The following KIRREL2 variants were observed in gnomAD, a reference collection of about 807,000 sequenced individuals.
The protein encoded by KIRREL2 is kirre like nephrin family adhesion molecule 2.
KIRREL2 carries 56 observed loss-of-function variants against 73.4 expected under a neutral mutation model. The observed-to-expected ratio is 0.76, with a 90% CI of 0.62 to 0.95. The LOEUF is 0.95. KIRREL2 is among the 40% of genes least tolerant of loss of function. KIRREL2 has a pLI of 0.00. For missense variants in KIRREL2, 896 were observed against 935.0 expected (o/e 0.96, Z 0.54); for synonymous variants, 407 against 404.0 (o/e 1.01, Z -0.09).
At position 35,861,185 on chromosome 19, in the gene KIRREL2, G is replaced by A. The variant is rs768667829; in HGVS notation, c.1120G>A (p.Val374Met). The A allele has an allele frequency of 1.3e-6, 2 of 1,580,940 alleles. No individual in the cohort carries two copies. Among genetic ancestry groups the A allele is most frequent in the East Asian group, 2.2e-5 (1 of 44,570 alleles). The change falls in exon 9 of 15, where the codon GTG (valine) becomes ATG (methionine). Residue 374 changes from valine (V) to methionine (M), a missense_variant. Val to Met is a conservative substitution (Grantham distance 21, BLOSUM62 1). Coordinates refer to ENST00000360202, the MANE Select transcript of KIRREL2 (RefSeq NM_199180.4). Reference protein sequence around the residue: ...SVGPEDAGDYVCRAEAGLSGL... With the variant: ...SVGPEDAGDYMCRAEAGLSGL... Reference sequence around the variant, plus strand: ...GGGGCCCGAGGACGCAGGCGACTATGTGTGCAGAGCTGAGGCTGGGCTATC... The same window carrying A: ...GGGGCCCGAGGACGCAGGCGACTATATGTGCAGAGCTGAGGCTGGGCTATC...
rs371315188 is a variant in KIRREL2 at position 35,861,037 on chromosome 19, G to A, written c.1056+1G>A. The A allele has an allele frequency of 4.3e-6, 7 of 1,610,878 alleles. No homozygotes were observed. The highest frequency in any genetic ancestry group is 5.9e-6 in the Non-Finnish European group (7 of 1,179,028). On this transcript the variant is annotated splice_donor_variant, in intron 8 of 14. Transcript: ENST00000360202. LOFTEE classifies it high-confidence loss of function. ...CTGGACCCGCCGCGGTGGCGCGCAG[G>A]TACAGCCCTAAATCTGAGGCGGTGG...
chr19:35,852,293 C>CCT (rs912753611), upstream of KIRREL2, among the ~76,000 whole-genome samples: 2 of 149,244 alleles, frequency 1.3e-5, no homozygotes, highest in Non-Finnish European at 3.0e-5. Context: ...TCTGTCTCTT[C>CCT]CTCTCTCTCT....
At chr19:35,860,083 ACT>A (rs1973596483) in intron 5 of KIRREL2, among the ~76,000 whole-genome samples, 1 of 151,974 alleles carries the variant, frequency 6.6e-6, no homozygotes. Flanking sequence ...CTGGGCCTTG[ACT>A]CTCACATCGG....
upstream of KIRREL2, chr19:35,856,011 A>T (rs1973409851): frequency 6.6e-6 from 1 of 152,344 alleles, no homozygotes; most frequent in African/African-American, 2.4e-5. This position sits in a 1 kb window ranked among gnomAD's most constrained non-coding sequence, Gnocchi z 5.9. Flanking sequence ...ATTTAGGGAC[A>T]CGGAGTCTGA....
intron 1 of KIRREL2, 63 bp from the exon 2 acceptor site, chr19:35,857,282 G>C (rs1168971755): frequency 6.2e-7 from 1 of 1,608,884 alleles, no homozygotes; most frequent in Non-Finnish European, 8.5e-7. Flanking sequence ...GGGACTCCTG[G>C]GTCCTGAATG....
At chr19:35,858,263 C>G in intron 2 of KIRREL2, 145 bp from the exon 3 acceptor site, 2 of 882,004 alleles carry the variant, frequency 2.3e-6, no homozygotes, top group Admixed American at 2.6e-5. Context: ...GAGTTAGAGT[C>G]TCTCTGGGCC....
At position 35,861,995 on chromosome 19, in the gene KIRREL2, G is replaced by T; in HGVS notation, c.1481G>T (p.Gly494Val). 1.2e-6 allele frequency: 2 copies of T among 1,611,686 alleles called. No individual in the cohort carries two copies. The highest frequency in any genetic ancestry group is 8.5e-7 in the Non-Finnish European group (1 of 1,179,190). ...NCSARNRLGE[G>V]GAQASLGRRD... ...AGTGCCCGGAACCGGCTGGGCGAGG[G>T]AGGTGCCCAGGCCAGCCTGGGCCGT... The change falls in exon 11 of 15, where the codon GGA becomes GTA. Residue 494 changes from glycine (G) to valine (V), a missense_variant. Coordinates refer to ENST00000360202, the MANE Select transcript of KIRREL2 (RefSeq NM_199180.4).
chr19:35,855,234 GGCCCTC>G (rs1281360594), upstream of KIRREL2, among the ~76,000 whole-genome samples: 1 of 151,974 alleles, frequency 6.6e-6, no homozygotes, highest in African/African-American at 2.4e-5. Flanking sequence ...CTGTCCTGGG[GGCCCTC>G]GCCAGATGGT....
chr19:35,866,418 GC>G lies in KIRREL2; in HGVS notation c.2058del (p.Thr688LeufsTer43). ...CACATCCTTTGGGCCCCCAGATCTG[GC>G]CCCCGGGACTCCCCCCTTCCCATAT... ...KPTSFGPPDL[A>X]PGTPPFPYAA... On this transcript the variant is annotated frameshift_variant, in exon 15 of 15. Transcript: ENST00000360202. LOFTEE classifies it high-confidence loss of function. 4 of 1,610,512 alleles carry G rather than the reference GC, an allele frequency of 2.5e-6. No homozygotes were observed. Among genetic ancestry groups the G allele is most frequent in the Non-Finnish European group, 3.4e-6 (4 of 1,177,312 alleles).
chr19:35,853,975 G>T (rs1313642033), upstream of KIRREL2, among the ~76,000 whole-genome samples: 1 of 151,500 alleles, frequency 6.6e-6, no homozygotes, highest in Non-Finnish European at 1.5e-5. Flanking sequence ...CTCCTGAGTA[G>T]CTGGGAATAC....
In KIRREL2 at chr19:35,858,750, G is replaced by C. The variant is rs770298432; in HGVS notation, c.408G>C (p.Leu136=). 5.0e-6 allele frequency: 8 copies of C among 1,614,202 alleles called. No individual in the cohort carries two copies. The highest frequency in any genetic ancestry group is 5.9e-6 in the Non-Finnish European group (7 of 1,180,040). The change falls in exon 4 of 15, where the codon CTG becomes CTC. Residue 136 remains leucine (L), a synonymous_variant. Transcript: ENST00000360202. ...TGCTGGGCGGCCCCTCTGTGTCTCT[G>C]GTTGCTGGAGTTCCTGCGAACCTGA... The part of the protein sequence containing the change: ...PQVLGGPSVS[L]VAGVPANLTC...
chr19:35,857,322 C>T (rs1973464354), intron 1 of KIRREL2, 23 bp from the exon 2 acceptor site: 1 of 1,611,748 alleles, frequency 6.2e-7, no homozygotes, highest in Non-Finnish European at 8.5e-7. Context: ...TAAGCTCAGC[C>T]CTGCTGCCCC....
At chr19:35,864,819 G>A (rs1364422987) in intron 14 of KIRREL2, 106 bp downstream of exon 14, 11 of 872,046 alleles carry the variant, frequency 1.3e-5, no homozygotes, top group Non-Finnish European at 1.8e-5. Context: ...TTTTCCTTCT[G>A]TTGTCCTCAG....
chr19:35,866,571 T>C lies in KIRREL2; in HGVS notation c.*79T>C. 6.2e-7 allele frequency: 1 copy of C among 1,600,290 alleles called. No homozygotes were observed. The highest frequency in any genetic ancestry group is 8.5e-7 in the Non-Finnish European group (1 of 1,173,290). On this transcript the variant is annotated 3_prime_UTR_variant, in exon 15 of 15. Coordinates refer to ENST00000360202, the MANE Select transcript of KIRREL2 (RefSeq NM_199180.4). The stretch of plus-strand genomic sequence containing the variant: ...CTGATTTCTGAGGAGCCAGGACAAG[T>C]TGGCGACCTTACTCCTCCAAAACTG...
intron 2 of KIRREL2, 63 bp downstream of exon 2, chr19:35,857,557 T>C: frequency 7.0e-7 from 1 of 1,431,420 alleles, no homozygotes; most frequent in Non-Finnish European, 9.4e-7. Context: ...GGCTCGGCTG[T>C]ACCTGCAGTT....
intron 4 of KIRREL2, 29 bp from the exon 5 acceptor site, chr19:35,859,451 TG>T: frequency 6.2e-7 from 1 of 1,605,276 alleles, no homozygotes; most frequent in Non-Finnish European, 8.5e-7. Flanking sequence ...GATGGGTAGA[TG>T]GCATTATTAT....
At chr19:35,861,371 C>A in intron 9 of KIRREL2, 117 bp downstream of exon 9, 1 of 1,487,600 alleles carries the variant, frequency 6.7e-7, no homozygotes. Flanking sequence ...CCAGCGGGGG[C>A]TGGAGACCGG....
In KIRREL2 at chr19:35,861,597, C is replaced by T. The variant is rs1322824424; in HGVS notation, c.1246C>T (p.Arg416Cys). Reference protein sequence around the residue: ...SAPAFLRGPARLQCLVFASPA... With the variant: ...SAPAFLRGPACLQCLVFASPA... ...GCCTGCCTTCCTGAGGGGCCCTGCT[C>T]GCCTCCAGTGTCTGGTTTTCGCCTC... Residue 416 changes from arginine (R) to cysteine (C), a missense_variant, in exon 10 of 15, where the codon CGC becomes TGC. By Grantham distance (180) the Arg-to-Cys change is radical. Coordinates refer to ENST00000360202, the MANE Select transcript of KIRREL2 (RefSeq NM_199180.4). 3 of 1,613,572 alleles carry T rather than the reference C, an allele frequency of 1.9e-6. No homozygotes were observed. The highest frequency in any genetic ancestry group is 2.2e-5 in the East Asian group (1 of 44,882).
chr19:35,861,460 G>A, intron 9 of KIRREL2, 81 bp from the exon 10 acceptor site: 1 of 1,498,242 alleles, frequency 6.7e-7, no homozygotes, highest in South Asian at 1.2e-5. Flanking sequence ...AGCGGAGAGT[G>A]CGCTGGACAG....
Sources: allele counts gnomAD v4.1 joint callset (sites outside exome capture counted in the v4.1 genomes callset), GRCh38; gene constraint gnomAD v4.1.1; non-coding constraint Gnocchi (gnomAD v3.1); transcripts MANE v1.5; gene names NCBI Gene and HGNC (gene_info 2026-07-23, HGNC 2026-07-21).